Variants in SLC12A8 observed in about 807,000 individuals in gnomAD.
SLC12A8 encodes solute carrier family 12 member 8.
In SLC12A8, 69 loss-of-function variants were observed where a neutral mutation model predicts 75.6. The ratio of observed to expected loss-of-function variants is 0.91; its 90% CI spans 0.75 to 1.11. SLC12A8 has a LOEUF of 1.11. Among genes scored for constraint, SLC12A8 ranks in the 50% most tolerant of loss-of-function variants. The pLI is 0.00. For synonymous variants in SLC12A8, 365 were observed against 372.8 expected, an observed-to-expected ratio of 0.98 and a Z score of 0.24; for missense variants, 877 against 896.7, an observed-to-expected ratio of 0.98 and a Z score of 0.28.
intron 3 of SLC12A8, 83 bp downstream of exon 3, chr3:125,190,292 G>A (rs893414508): frequency 1.4e-5 from 20 of 1,457,782 alleles, no homozygotes; most frequent in Non-Finnish European, 1.9e-5. Context: ...GGAATCTGTG[G>A]CCTGCACTGT....
At position 125,118,834 on chromosome 3, in the gene SLC12A8, C is replaced by T. The variant is rs760115161; in HGVS notation, c.847G>A (p.Val283Ile). The change falls in exon 8 of 14, where the codon GTC becomes ATC. Residue 283 changes from valine (V) to isoleucine (I), a missense_variant. Physicochemically the swap from Val to Ile is conservative, Grantham distance 29. Transcript: ENST00000469902. ...GTGCAGATGGCGCCCAGGAGGAAGA[C>T]GAAGATGATGTACAGAAACCACCTG... ...GISWFLYIIF[V>I]FLLGAICTRE... is the part of the protein sequence containing the mutation. The T allele has an allele frequency of 1.3e-5, 21 of 1,613,476 alleles. No individual in the cohort carries two copies. Among genetic ancestry groups the T allele is most frequent in the Admixed American group, 5.0e-5 (3 of 59,962 alleles).
chr3:125,211,467 T>C (rs1935336167), intron 1 of SLC12A8, 73 bp from the exon 2 acceptor site: 1 of 850,540 alleles, frequency 1.2e-6, no homozygotes, highest in South Asian at 1.3e-5. Context: ...CCTTTCTCTC[T>C]ACTAGAATTG....
chr3:125,147,325 C>T (rs899274317), intron 5 of SLC12A8, among the ~76,000 whole-genome samples: 35 of 152,356 alleles, frequency 2.3e-4, no homozygotes, highest in Middle Eastern at 3.4e-3. Context: ...ATCACCTGAC[C>T]TTGCAGCTTC....
At chr3:125,166,615 C>G (rs978886571) in intron 5 of SLC12A8, among the ~76,000 whole-genome samples, 3 of 152,178 alleles carry the variant, frequency 2.0e-5, no homozygotes, top group African/African-American at 7.2e-5. Flanking sequence ...GTACGGGGAG[C>G]GCCAGGAGAC....
chr3:125,095,953 T>C (rs1938701237), intron 10 of SLC12A8, among the ~76,000 whole-genome samples: 1 of 152,250 alleles, frequency 6.6e-6, no homozygotes, highest in African/African-American at 2.4e-5. Flanking sequence ...TCTGGTCACA[T>C]TGTAGCTGTA....
At position 125,204,623 on chromosome 3, in the gene SLC12A8, C is replaced by T. The variant is rs146686808; in HGVS notation, c.51+6676G>A. ...AGAGGTTGGTTAATGGGTATAACTG[C>T]ATAGTTAGATAAAAAGAGTAAGTTC... On this transcript the variant is annotated intron_variant, in intron 2 of 13. Transcript: ENST00000469902. Among the ~76,000 whole-genome samples the T allele has an allele frequency of 2.0e-4, 30 of 152,048 alleles. 1 individual carries two copies. Among genetic ancestry groups the T allele is most frequent in the South Asian group, 1.5e-3 (7 of 4,816 alleles).
chr3:125,179,470 T>C (rs570411006), intron 4 of SLC12A8, among the ~76,000 whole-genome samples: 18 of 152,312 alleles, frequency 1.2e-4, no homozygotes, highest in Admixed American at 1.2e-3. Context: ...AGCCATTTTG[T>C]GTAAAGGCAA....
chr3:125,207,600 A>G (rs1935250303), intron 2 of SLC12A8, among the ~76,000 whole-genome samples: 1 of 152,214 alleles, frequency 6.6e-6, no homozygotes, highest in Non-Finnish European at 1.5e-5. Context: ...TAAGAGCATG[A>G]GATTCTGCAG....
intron 5 of SLC12A8, among the ~76,000 whole-genome samples, chr3:125,157,241 T>C (rs1447223588): frequency 6.6e-6 from 1 of 152,210 alleles, no homozygotes; most frequent in Non-Finnish European, 1.5e-5. Flanking sequence ...GTAGGTACTA[T>C]CTACTCACAT....
At chr3:125,138,781 G>A (rs1400861394) in intron 5 of SLC12A8, among the ~76,000 whole-genome samples, 1 of 151,894 alleles carries the variant, frequency 6.6e-6, no homozygotes, top group Admixed American at 6.6e-5. Flanking sequence ...GCTGAGGTGG[G>A]AGGATTGCTT....
rs557035833 is a variant in SLC12A8, at chr3:125,089,571, C to T, written c.1922-1201G>A. The stretch of plus-strand genomic sequence containing the variant: ...AGCTAACATAAGGACCTCTTCTTAA[C>T]ATTACTGTTTTCTAAATCATTATTT... On this transcript the variant is annotated intron_variant, in intron 12 of 13. Transcript: ENST00000469902. Among the ~76,000 whole-genome samples the T allele has an allele frequency of 1.2e-4, 17 of 147,074 alleles. No homozygotes were observed. In the South Asian group the frequency reaches 3.8e-3, roughly 33 times the overall value.
At chr3:125,175,843 T>C (rs518109) in intron 5 of SLC12A8, among the ~76,000 whole-genome samples, 51,233 of 151,722 alleles carry the variant, frequency 0.34, 9,363 homozygotes, top group East Asian at 0.56. Context: ...GTGATCAGTA[T>C]GGACATCACA....
chr3:125,180,198 T>C (rs59736653), intron 4 of SLC12A8, among the ~76,000 whole-genome samples: 27,234 of 140,926 alleles, frequency 0.19, 2,640 homozygotes, highest in Middle Eastern at 0.28. Flanking sequence ...GGGTAGGGGG[T>C]GGGGGAAGCT....
At chr3:125,094,777 C>T (rs1439442478) in intron 10 of SLC12A8, among the ~76,000 whole-genome samples, 5 of 152,214 alleles carry the variant, frequency 3.3e-5, no homozygotes, top group Admixed American at 3.3e-4. Flanking sequence ...TTCCTCAACC[C>T]ACTCTTATGA....
chr3:125,088,143 G>GCCGA (rs1345649249), intron 13 of SLC12A8, 167 bp downstream of exon 13: 2 of 614,158 alleles, frequency 3.3e-6, no homozygotes, highest in Non-Finnish European at 5.9e-6. Flanking sequence ...GGCCGAGTGT[G>GCCGA]GTGGAGTGCA....
At chr3:125,101,005 G>A (rs1411640052) in intron 10 of SLC12A8, among the ~76,000 whole-genome samples, 2 of 122,586 alleles carry the variant, frequency 1.6e-5, no homozygotes, top group African/African-American at 3.1e-5. Context: ...GGGCGACAGA[G>A]CGAGACTCCG....
At chr3:125,118,584 G>A (rs1932953577) in intron 8 of SLC12A8, among the ~76,000 whole-genome samples, 185 bp downstream of exon 8, 2 of 152,146 alleles carry the variant, frequency 1.3e-5, no homozygotes, top group African/African-American at 4.8e-5. Flanking sequence ...GGCTGAGATT[G>A]CAACACTGCA....
At chr3:125,181,322 C>T (rs958837811) in intron 4 of SLC12A8, among the ~76,000 whole-genome samples, 8 of 151,968 alleles carry the variant, frequency 5.3e-5, no homozygotes, top group Non-Finnish European at 1.2e-4. Context: ...GAAAAATAGG[C>T]CAGGCGCGGT....
chr3:125,117,990 G>A (rs1250121429), intron 8 of SLC12A8, among the ~76,000 whole-genome samples: 1 of 152,230 alleles, frequency 6.6e-6, no homozygotes, highest in Admixed American at 6.5e-5. Flanking sequence ...GGAGGGCCTC[G>A]GCCCTCACCC....
Sources: gnomAD v4.1 joint callset for allele counts (sites outside exome capture counted in the v4.1 genomes callset) on GRCh38, gnomAD v4.1.1 for gene constraint, MANE v1.5 for transcripts, NCBI Gene and HGNC (gene_info 2026-07-23, HGNC 2026-07-21) for gene names.